FRAS1: variants seen among roughly 807,000 people sequenced by gnomAD.
FRAS1 encodes the protein extracellular matrix organizing protein FRAS1.
Under a neutral mutation model 435.2 loss-of-function variants are expected in FRAS1, and 290 were observed. That is an observed-to-expected ratio of 0.67 (90% confidence interval 0.61 to 0.73). The LOEUF (loss-of-function observed/expected upper bound fraction) is 0.73. Ranked by LOEUF, FRAS1 falls within the 30% of genes least tolerant of loss-of-function variation. The pLI is 0.00. For synonymous variants in FRAS1, 1,800 were observed against 1,851.0 expected (o/e 0.97, Z 0.71); for missense variants, 4,860 against 5,001.5 (o/e 0.97, Z 0.85).
At chr4:78,511,567 G>A (rs1376011815) in intron 64 of FRAS1, 61 bp downstream of exon 64, 1 of 1,213,666 alleles carries the variant, frequency 8.2e-7, no homozygotes, top group Non-Finnish European at 1.2e-6. Context: ...TCTCCTTTGT[G>A]TGTTTCCCAG....
At chr4:78,186,481 A>G (rs914285154) in intron 2 of FRAS1, among the ~76,000 whole-genome samples, 3 of 152,206 alleles carry the variant, frequency 2.0e-5, no homozygotes, top group African/African-American at 7.2e-5. Flanking sequence ...AGTTTGAATC[A>G]CATGAGGCTT....
At chr4:78,538,347 G>T (rs1038074410) in intron 72 of FRAS1, among the ~76,000 whole-genome samples, 2 of 152,148 alleles carry the variant, frequency 1.3e-5, no homozygotes, top group African/African-American at 2.4e-5. Flanking sequence ...AGTGTGTAAA[G>T]GGTCCTGAGA....
intron 2 of FRAS1, among the ~76,000 whole-genome samples, chr4:78,067,670 C>CTTT (rs1740105672): frequency 3.4e-5 from 3 of 87,232 alleles, no homozygotes; most frequent in East Asian, 3.2e-4. Flanking sequence ...TTTTTTCTTT[C>CTTT]TTTTATTATT....
At chr4:78,262,030 A>C (rs1252271383) in intron 6 of FRAS1, among the ~76,000 whole-genome samples, 1 of 152,172 alleles carries the variant, frequency 6.6e-6, no homozygotes, top group Non-Finnish European at 1.5e-5. Context: ...AAGGGTAAGT[A>C]GATTTATAGC....
At chr4:78,113,447 G>A (rs1313107670) in intron 2 of FRAS1, among the ~76,000 whole-genome samples, 1 of 152,156 alleles carries the variant, frequency 6.6e-6, no homozygotes, top group African/African-American at 2.4e-5. Flanking sequence ...CCCACCAACA[G>A]TGTAAAAGTG....
At chr4:78,115,867 G>C (rs1302962082) in intron 2 of FRAS1, among the ~76,000 whole-genome samples, 1 of 151,306 alleles carries the variant, frequency 6.6e-6, no homozygotes, top group Non-Finnish European at 1.5e-5. Flanking sequence ...TTTGCCTTCT[G>C]CTAGCTTTTG....
At chr4:78,073,334 T>A (rs1740457237) in intron 2 of FRAS1, among the ~76,000 whole-genome samples, 1 of 152,186 alleles carries the variant, frequency 6.6e-6, no homozygotes, top group Admixed American at 6.6e-5. Context: ...ACAGATGTTT[T>A]AAGTTAACAA....
At chr4:78,159,241 G>T (rs1721030730) in intron 2 of FRAS1, among the ~76,000 whole-genome samples, 1 of 152,160 alleles carries the variant, frequency 6.6e-6, no homozygotes, top group South Asian at 2.1e-4. Context: ...CGCCACTGGA[G>T]GGGAACTTGA....
chr4:78,267,494 GTCCTGCCTGTTCT>G (rs1726425804), intron 9 of FRAS1, 62 bp downstream of exon 9: 12 of 1,485,052 alleles, frequency 8.1e-6, no homozygotes, highest in Non-Finnish European at 1.1e-5. Flanking sequence ...ATAGTGAGGG[GTCCTGCCTGTTCT>G]TTACTTCTTG....
chr4:78,480,745 T>C (rs1293148541), intron 56 of FRAS1, among the ~76,000 whole-genome samples: 1 of 152,226 alleles, frequency 6.6e-6, no homozygotes, highest in African/African-American at 2.4e-5. Context: ...TTATGTATGC[T>C]GCAGGCAGAT....
rs1309951324 is a variant in FRAS1, at chr4:78,499,772, G to A, written c.9167G>A (p.Gly3056Asp). The part of the protein sequence containing the change: ...EAAYQVREPA[G>D]PDAIAILNIK... ...GCATACCAAGTCCGGGAACCCGCAGGCCCAGATGCCATTGCGATTCTGAAC... is the reference window on the plus strand; with the variant it reads ...GCATACCAAGTCCGGGAACCCGCAGACCCAGATGCCATTGCGATTCTGAAC... The change falls in exon 61 of 74, where the codon GGC becomes GAC. Residue 3056 changes from glycine to aspartate, a missense_variant. Transcript: ENST00000512123. The A allele has an allele frequency of 5.6e-6, 9 of 1,613,806 alleles. No individual in the cohort carries two copies. The highest frequency in any genetic ancestry group is 2.7e-5 in the African/African-American group (2 of 74,926).
chr4:78,145,758 C>T (rs879526730), intron 2 of FRAS1, among the ~76,000 whole-genome samples: 1 of 152,156 alleles, frequency 6.6e-6, no homozygotes, highest in Non-Finnish European at 1.5e-5. Flanking sequence ...GAAATCTCGT[C>T]GTGAATTGTA....
chr4:78,260,549 A>C lies in FRAS1; in HGVS notation c.604-4476A>C, dbSNP rs1053533198. Among the ~76,000 whole-genome samples, 324 of 151,560 alleles carry C rather than the reference A, an allele frequency of 2.1e-3. 3 individuals carry two copies. Among genetic ancestry groups the C allele is most frequent in the East Asian group, 3.5e-3 (18 of 5,140 alleles). Reference sequence around the variant, plus strand: ...GAATGCTTGTGATTTTTGTACATTGATTTTGTATCCTGAGACTTTGCTGAA... The same window carrying C: ...GAATGCTTGTGATTTTTGTACATTGCTTTTGTATCCTGAGACTTTGCTGAA... On this transcript the variant is annotated intron_variant, in intron 6 of 73. Coordinates refer to ENST00000512123, the MANE Select transcript of FRAS1 (RefSeq NM_025074.7).
rs1428745548 is a variant in FRAS1 at position 78,425,445 on chromosome 4, T to C, written c.4711+1025T>C. ...GGTCTATAGTGAGGATGATTGACCA[T>C]AAATAGCATCATTAAATTGCTGTTT... On this transcript the variant is annotated intron_variant, in intron 35 of 73. Coordinates refer to ENST00000512123, the MANE Select transcript of FRAS1 (RefSeq NM_025074.7). Among the ~76,000 whole-genome samples, 3 of 152,224 alleles carry C rather than the reference T, an allele frequency of 2.0e-5. No homozygotes were observed. In the East Asian group the frequency reaches 5.8e-4, roughly 29 times the overall value.
Position 78,507,603 on chromosome 4 carries a change from C to T in FRAS1, c.9499C>T (p.Pro3167Ser), listed in dbSNP as rs1350889719. 1 of 1,588,538 alleles carries T rather than the reference C, an allele frequency of 6.3e-7. No individual in the cohort carries two copies. Among genetic ancestry groups the T allele is most frequent in the East Asian group, 2.3e-5 (1 of 43,922 alleles). The change falls in exon 62 of 74, where the codon CCC (proline) becomes TCC (serine). Residue 3167 changes from proline (P) to serine (S), a missense_variant. Coordinates refer to ENST00000512123, the MANE Select transcript of FRAS1 (RefSeq NM_025074.7). ...AAGSLILPAP[P>S]IVVTLADYDH... The stretch of plus-strand genomic sequence containing the variant: ...AGGGAGCCTCATATTGCCAGCACCA[C>T]CCATTGTGAGTTGCTTGACCCAAAG...
intron 7 of FRAS1, among the ~76,000 whole-genome samples, chr4:78,265,523 G>T (rs1244007058): frequency 2.0e-5 from 3 of 152,158 alleles, no homozygotes; most frequent in African/African-American, 7.2e-5. Context: ...GGGAAAACCT[G>T]GCGGTGGTAG....
chr4:78,419,730 G>C (rs1022754459), intron 33 of FRAS1, among the ~76,000 whole-genome samples: 3 of 152,160 alleles, frequency 2.0e-5, no homozygotes, highest in Non-Finnish European at 1.5e-5. Flanking sequence ...ATTGGCTCAT[G>C]GTTTCACAGG....
At chr4:78,243,196 A>G (rs1037465051) in intron 3 of FRAS1, among the ~76,000 whole-genome samples, 65 of 152,212 alleles carry the variant, frequency 4.3e-4, no homozygotes, top group African/African-American at 1.5e-3. Flanking sequence ...CTCTATATAT[A>G]TATATGTATA....
intron 25 of FRAS1, among the ~76,000 whole-genome samples, chr4:78,374,881 T>C (rs1731693241): frequency 6.6e-6 from 1 of 152,234 alleles, no homozygotes. Flanking sequence ...TTGCATTATC[T>C]AATTTAATAT....
Sources: gnomAD v4.1 joint callset for allele counts (sites outside exome capture counted in the v4.1 genomes callset) on GRCh38, gnomAD v4.1.1 for gene constraint, MANE v1.5 for transcripts, NCBI Gene and HGNC (gene_info 2026-07-23, HGNC 2026-07-21) for gene names.